DSC3: variants seen among roughly 807,000 people sequenced by gnomAD.
The protein encoded by DSC3 is desmocollin 3.
DSC3 carries 97 observed loss-of-function variants against 89.5 expected under a neutral mutation model. That is an observed-to-expected ratio of 1.08 (90% CI 0.92 to 1.28). The LOEUF (loss-of-function observed/expected upper bound fraction) is 1.28. DSC3 is among the 50% of genes most tolerant of loss of function. DSC3 has a pLI of 0.00. For synonymous variants in DSC3, 436 were observed against 384.1 expected, an observed-to-expected ratio of 1.14 and a Z score of -1.58; for missense variants, 1,199 against 1,085.3, an observed-to-expected ratio of 1.10 and a Z score of -1.47.
Position 31,008,121 on chromosome 18 carries a change from T to TGGTGATCCA in DSC3, c.1549_1557dup (p.Trp517_Thr519dup), listed in dbSNP as rs759577134. 2 of 1,612,794 alleles carry TGGTGATCCA rather than the reference T, an allele frequency of 1.2e-6. No individual in the cohort carries two copies. The highest frequency in any genetic ancestry group is 2.2e-5 in the South Asian group (2 of 90,950). On this transcript the variant is annotated inframe_insertion, in exon 11 of 16. Coordinates refer to ENST00000360428, the MANE Select transcript of DSC3 (RefSeq NM_001941.5). ...ATGATTGACCCTGAAATTTCATCAA[T>TGGTGATCCA]GGTGATCCAACCTTTAGGATCATGC...
chr18:31,005,460 GT>G (rs1984806596), intron 12 of DSC3, among the ~76,000 whole-genome samples: 1 of 152,082 alleles, frequency 6.6e-6, no homozygotes, highest in African/African-American at 2.4e-5. Context: ...CATAATTGCT[GT>G]TGCCTACTGT....
rs1984393981 is a variant in DSC3 at position 30,994,600 on chromosome 18, C to T, written c.2494-228G>A. The T allele has an allele frequency of 1.1e-5, 10 of 877,420 alleles. No homozygotes were observed. In the South Asian group the frequency reaches 1.5e-4, roughly 13 times the overall value. 54.4% of individuals were successfully genotyped at this position (877,420 alleles called of 1,614,324 possible). ...CCATATAAATAAAAAATTATGTATA[C>T]AAGTTTTATATTTAAGTACATTCAA... On this transcript the variant is annotated intron_variant, in intron 15 of 15. Transcript: ENST00000360428.
At position 31,018,240 on chromosome 18, in the gene DSC3, T is replaced by C; in HGVS notation, c.1094A>G (p.Glu365Gly). 6.2e-7 allele frequency: 1 copy of C among 1,610,690 alleles called. No homozygotes were observed. Among genetic ancestry groups the C allele is most frequent in the Non-Finnish European group, 8.5e-7 (1 of 1,178,560 alleles). The change falls in exon 9 of 16, where the codon GAG becomes GGG. Residue 365 changes from glutamate to glycine, a missense_variant. By Grantham distance (98) the Glu-to-Gly change is moderately conservative. Coordinates refer to ENST00000360428, the MANE Select transcript of DSC3 (RefSeq NM_001941.5). ...FRQNAYEAFV[E>G]ENAFNVEILR... ...GATTTCCACATTGAATGCATTTTCC[T>C]CTACAAATGCTTCATACTGAAACAG...
At chr18:31,037,617 C>T (rs528742511) in intron 1 of DSC3, among the ~76,000 whole-genome samples, 1 of 152,024 alleles carries the variant, frequency 6.6e-6, no homozygotes, top group Non-Finnish European at 1.5e-5. Flanking sequence ...AAAGTTCATT[C>T]TTGGCCAGGC....
At position 31,008,366 on chromosome 18, in the gene DSC3, C is replaced by G; in HGVS notation, c.1423G>C (p.Ala475Pro). The change falls in exon 10 of 16, where the codon GCC (alanine) becomes CCC (proline). Residue 475 changes from alanine to proline, a missense_variant. Ala to Pro is a conservative substitution (Grantham distance 27). Transcript: ENST00000360428. Reference sequence around the variant, plus strand: ...TTTTCTTTAATCCGCACATATTGGGCTGCAGGAGTGCATTCAGGCCCCTCA... The same window carrying G: ...TTTTCTTTAATCCGCACATATTGGGGTGCAGGAGTGCATTCAGGCCCCTCA... ...LDEGPECTPA[A>P]QYVRIKENLA... 3.1e-6 allele frequency: 5 copies of G among 1,614,120 alleles called. No homozygotes were observed. Among genetic ancestry groups the G allele is most frequent in the Non-Finnish European group, 4.2e-6 (5 of 1,180,014 alleles).
intron 9 of DSC3, among the ~76,000 whole-genome samples, chr18:31,010,340 A>G (rs973965152): frequency 1.3e-5 from 2 of 152,202 alleles, no homozygotes; most frequent in African/African-American, 4.8e-5. Context: ...TCACACAGAG[A>G]GTAAGAGCAA....
chr18:30,996,856 C>G lies in DSC3; in HGVS notation c.2428G>C (p.Glu810Gln). Residue 810 changes from glutamate (E) to glutamine (Q), a missense_variant, in exon 15 of 16, where the codon GAG becomes CAG. By Grantham distance (29) the Glu-to-Gln change is conservative. Coordinates refer to ENST00000360428, the MANE Select transcript of DSC3 (RefSeq NM_001941.5). ...TLDSCRGGHT[E>Q]VDNCRYTYSE... Reference sequence around the variant, plus strand: ...TAAGTGTATCTGCAGTTGTCCACCTCCGTGTGTCCTCCCCTGCAGGAGTCC... The same window carrying G: ...TAAGTGTATCTGCAGTTGTCCACCTGCGTGTGTCCTCCCCTGCAGGAGTCC... 1 of 1,613,850 alleles carries G rather than the reference C, an allele frequency of 6.2e-7. No individual in the cohort carries two copies. The highest frequency in any genetic ancestry group is 1.1e-5 in the South Asian group (1 of 91,052).
chr18:30,996,004 A>AAAAAAAAAAAAAAAAAAAG (rs1380162048), intron 15 of DSC3, among the ~76,000 whole-genome samples: 6 of 143,740 alleles, frequency 4.2e-5, no homozygotes, highest in African/African-American at 1.7e-4. Flanking sequence ...AAAAAAGAAA[A>AAAAAAAAAAAAAAAAAAAG]GAAAGAAAAA....
At chr18:30,997,693 C>T (rs1984523690) in intron 14 of DSC3, among the ~76,000 whole-genome samples, 1 of 152,138 alleles carries the variant, frequency 6.6e-6, no homozygotes, top group Admixed American at 6.5e-5. Flanking sequence ...AAAACAAATA[C>T]TTTGAGAATG....
intron 9 of DSC3, among the ~76,000 whole-genome samples, chr18:31,013,821 G>A (rs1399955231): frequency 6.6e-6 from 1 of 152,096 alleles, no homozygotes; most frequent in South Asian, 2.1e-4. Flanking sequence ...CAACCTTTCT[G>A]GAGGACAATC....
intron 3 of DSC3, among the ~76,000 whole-genome samples, chr18:31,030,357 T>G (rs1057459956): frequency 6.6e-6 from 1 of 152,246 alleles, no homozygotes; most frequent in East Asian, 1.9e-4. Flanking sequence ...TTTAGCAAAG[T>G]GCTAAGCTGT....
chr18:31,008,455 C>A lies in DSC3; in HGVS notation c.1334G>T (p.Arg445Ile). ...IGVNNEAPFA[R>I]DIPRVTALNR... ...CAAGGCTGTCACTCTGGGAATATCT[C>A]TAGCAAATGGCGCTTCATTGTTTAC... Residue 445 changes from arginine to isoleucine, a missense_variant, in exon 10 of 16, where the codon AGA (arginine) becomes ATA (isoleucine). Transcript: ENST00000360428. 1.2e-6 allele frequency: 2 copies of A among 1,614,180 alleles called. No individual in the cohort carries two copies. Among genetic ancestry groups the A allele is most frequent in the Non-Finnish European group, 1.7e-6 (2 of 1,180,022 alleles).
chr18:31,025,773 T>C lies in DSC3; in HGVS notation c.617A>G (p.Tyr206Cys). Reference protein sequence around the residue: ...FCTRPVDREEYDVFDLIAYAS... With the variant: ...FCTRPVDREECDVFDLIAYAS... Reference sequence around the variant, plus strand: ...TAAAAGTCCTACATCAAAAACATCATATTCTTCACGATCCACAGGCCGAGT... The same window carrying C: ...TAAAAGTCCTACATCAAAAACATCACATTCTTCACGATCCACAGGCCGAGT... The change falls in exon 5 of 16, where the codon TAT (tyrosine) becomes TGT (cysteine). Residue 206 changes from tyrosine (Y) to cysteine (C), a missense_variant. Coordinates refer to ENST00000360428, the MANE Select transcript of DSC3 (RefSeq NM_001941.5). 2.5e-6 allele frequency: 4 copies of C among 1,613,028 alleles called. No homozygotes were observed. The highest frequency in any genetic ancestry group is 3.4e-6 in the Non-Finnish European group (4 of 1,179,236).
chr18:31,036,538 AC>A (rs548686599), intron 1 of DSC3, among the ~76,000 whole-genome samples: 1 of 151,872 alleles, frequency 6.6e-6, no homozygotes, highest in South Asian at 2.1e-4. Context: ...ATACTCAAAA[AC>A]CTCAAAGTTC....
rs556507229 is a variant in DSC3 at position 31,026,364 on chromosome 18, G to T, written c.475-449C>A. Among the ~76,000 whole-genome samples the T allele has an allele frequency of 2.0e-5, 3 of 152,096 alleles. No homozygotes were observed. The East Asian group carries it at 5.8e-4, about 29-fold the overall frequency. ...TCGAGGATGCTGGCTTTTCCTTGGAGTCTAATGGAAAACCACTGGAGAATT... is the reference window on the plus strand; with the variant it reads ...TCGAGGATGCTGGCTTTTCCTTGGATTCTAATGGAAAACCACTGGAGAATT... On this transcript the variant is annotated intron_variant, in intron 4 of 15. Coordinates refer to ENST00000360428, the MANE Select transcript of DSC3 (RefSeq NM_001941.5).
In DSC3 at chr18:31,024,337, A is replaced by G; in HGVS notation, c.775+12T>C. On this transcript the variant is annotated intron_variant, in intron 6 of 15. Transcript: ENST00000360428. ...TTAAAATGATTCTTTTTATTCTTAAAAGCAGACTTACCAGGTCTACTACTT... is the reference window on the plus strand; with the variant it reads ...TTAAAATGATTCTTTTTATTCTTAAGAGCAGACTTACCAGGTCTACTACTT... 1 of 1,568,106 alleles carries G rather than the reference A, an allele frequency of 6.4e-7. No individual in the cohort carries two copies. The highest frequency in any genetic ancestry group is 8.6e-7 in the Non-Finnish European group (1 of 1,157,456).
chr18:31,022,069 A>G (rs1232063635), intron 7 of DSC3, among the ~76,000 whole-genome samples: 2 of 152,134 alleles, frequency 1.3e-5, no homozygotes, highest in East Asian at 1.9e-4. Flanking sequence ...CCAACTAGCC[A>G]CACATAAGAA....
intron 9 of DSC3, among the ~76,000 whole-genome samples, chr18:31,013,802 C>A (rs988546733): frequency 6.6e-6 from 1 of 152,020 alleles, no homozygotes; most frequent in African/African-American, 2.4e-5. Context: ...ATGAGCATGT[C>A]AACATGCACA....
chr18:31,041,851 C>T (rs139762732), intron 1 of DSC3, among the ~76,000 whole-genome samples: 12 of 152,208 alleles, frequency 7.9e-5, no homozygotes, highest in African/African-American at 2.9e-4. Flanking sequence ...ACGACGCAAC[C>T]CCACCGCATC....
Sources: gnomAD v4.1 joint callset for allele counts (sites outside exome capture counted in the v4.1 genomes callset) on GRCh38, gnomAD v4.1.1 for gene constraint, MANE v1.5 for transcripts, NCBI Gene and HGNC (gene_info 2026-07-23, HGNC 2026-07-21) for gene names.